The following GLYATL2 variants were observed in gnomAD, a reference collection of about 807,000 sequenced individuals.
The protein encoded by GLYATL2 is glycine-N-acyltransferase like 2.
A neutral mutation model predicts 21.4 loss-of-function variants in GLYATL2; 25 were observed. The observed-to-expected ratio is 1.17, with a 90% confidence interval of 0.85 to 1.63. GLYATL2 has a LOEUF of 1.63. GLYATL2 is among the 40% of genes most tolerant of loss of function. GLYATL2 has a pLI of 0.00. For synonymous variants in GLYATL2, 114 were observed against 118.2 expected (o/e 0.96, Z 0.23); for missense variants, 361 against 343.3 (o/e 1.05, Z -0.41).
chr11:58,898,239 A>G (rs1854667552), intron 1 of GLYATL2, among the ~76,000 whole-genome samples: 1 of 152,164 alleles, frequency 6.6e-6, no homozygotes, highest in Non-Finnish European at 1.5e-5. Context: ...GCCTCCTCAC[A>G]TCCAGATGAG....
In GLYATL2 at chr11:58,899,741, A is replaced by G. The variant is rs114591339; in HGVS notation, n.60+4415T>C. Among the ~76,000 whole-genome samples, 1,458 of 152,318 alleles carry G rather than the reference A, an allele frequency of 9.6e-3. 18 individuals are homozygous for G. Among genetic ancestry groups the G allele is most frequent in the African/African-American group, 0.033 (1,382 of 41,558 alleles). Reference sequence around the variant, plus strand: ...GAACAAAGGACATACTTGAACCAGCATTTAGATTCATCTTCATCTAAAAAA... The same window carrying G: ...GAACAAAGGACATACTTGAACCAGCGTTTAGATTCATCTTCATCTAAAAAA... On this transcript the variant is annotated intron_variant and non_coding_transcript_variant, in intron 1 of 4. Coordinates refer to the GLYATL2 transcript ENST00000533636.
At chr11:58,853,547 G>A (rs1853777766) in intron 1 of GLYATL2, among the ~76,000 whole-genome samples, 1 of 152,060 alleles carries the variant, frequency 6.6e-6, no homozygotes, top group Non-Finnish European at 1.5e-5. Flanking sequence ...ATGTTTGGGT[G>A]GGCTCTGACA....
At chr11:58,879,346 TAC>T (rs1854292129) in intron 1 of GLYATL2, among the ~76,000 whole-genome samples, 1 of 152,240 alleles carries the variant, frequency 6.6e-6, no homozygotes, top group Non-Finnish European at 1.5e-5. Flanking sequence ...GGAAGATATA[TAC>T]ACGTTATATA....
At chr11:58,864,386 A>G (rs1853988014) in intron 1 of GLYATL2, among the ~76,000 whole-genome samples, 1 of 148,946 alleles carries the variant, frequency 6.7e-6, no homozygotes, top group African/African-American at 2.4e-5. Context: ...GTACCCAGAA[A>G]CCAAGTCCAC....
intron 1 of GLYATL2, among the ~76,000 whole-genome samples, chr11:58,860,428 CACT>C (rs774454723): frequency 3.3e-5 from 5 of 151,982 alleles, no homozygotes; most frequent in Non-Finnish European, 7.4e-5. Flanking sequence ...ATAGAATCAC[CACT>C]GATTTATGTA....
intron 1 of GLYATL2, among the ~76,000 whole-genome samples, chr11:58,850,719 C>A (rs1853726270): frequency 6.6e-6 from 1 of 151,998 alleles, no homozygotes. Context: ...GGAAAAGCAC[C>A]TGCTACTTAG....
chr11:58,870,984 G>A (rs1254521422), intron 1 of GLYATL2, among the ~76,000 whole-genome samples: 2 of 152,206 alleles, frequency 1.3e-5, no homozygotes, highest in Non-Finnish European at 2.9e-5. Flanking sequence ...TGGATTTAAA[G>A]AGGGAGGGGA....
intron 1 of GLYATL2, chr11:58,840,908 A>T (rs1204150160): frequency 6.6e-6 from 1 of 151,148 alleles, no homozygotes; most frequent in Non-Finnish European, 1.5e-5. Flanking sequence ...TAATATAAAG[A>T]TGCATAGGTG....
intron 1 of GLYATL2, among the ~76,000 whole-genome samples, chr11:58,899,943 T>A (rs948818): frequency 0.2 from 30,220 of 151,586 alleles, 3,098 homozygotes; most frequent in East Asian, 0.29. Context: ...CAAGGATAGA[T>A]TTCACCCCTC....
chr11:58,837,631 C>A (rs1853463450), intron 3 of GLYATL2, among the ~76,000 whole-genome samples: 1 of 152,056 alleles, frequency 6.6e-6, no homozygotes, highest in Non-Finnish European at 1.5e-5. Context: ...GTAAATAACT[C>A]CATTGTCTAG....
chr11:58,890,960 T>C (rs565277036), intron 1 of GLYATL2, among the ~76,000 whole-genome samples: 1 of 152,256 alleles, frequency 6.6e-6, no homozygotes, highest in East Asian at 1.9e-4. Flanking sequence ...TTCATTTTTA[T>C]AAATAGCTCC....
intron 1 of GLYATL2, among the ~76,000 whole-genome samples, chr11:58,890,054 G>A (rs1854513647): frequency 6.6e-6 from 1 of 151,928 alleles, no homozygotes; most frequent in African/African-American, 2.4e-5. Flanking sequence ...TCATCACCCT[G>A]GTAGTGAGCA....
At chr11:58,869,118 C>A (rs953704401) in intron 1 of GLYATL2, among the ~76,000 whole-genome samples, 1 of 152,122 alleles carries the variant, frequency 6.6e-6, no homozygotes, top group Non-Finnish European at 1.5e-5. Context: ...GAGGAAGCAC[C>A]CCAACTCATT....
intron 1 of GLYATL2, among the ~76,000 whole-genome samples, chr11:58,864,698 G>A (rs524689): frequency 0.88 from 130,726 of 148,630 alleles, 59,392 homozygotes; most frequent in Non-Finnish European, 0.98. Flanking sequence ...TCTGCTACAC[G>A]AAGATTCTGT....
intron 1 of GLYATL2, among the ~76,000 whole-genome samples, chr11:58,870,250 T>C (rs1349454299): frequency 6.6e-6 from 1 of 152,078 alleles, no homozygotes; most frequent in African/African-American, 2.4e-5. Flanking sequence ...AAGAAGGTAA[T>C]AGAGTTTTCT....
intron 1 of GLYATL2, among the ~76,000 whole-genome samples, chr11:58,875,220 T>A (rs1854205818): frequency 6.6e-6 from 1 of 152,208 alleles, no homozygotes; most frequent in South Asian, 2.1e-4. Flanking sequence ...TACAGCACAC[T>A]GATGGGTCTT....
At chr11:58,875,183 C>T (rs2134606640) in intron 1 of GLYATL2, among the ~76,000 whole-genome samples, 1 of 152,222 alleles carries the variant, frequency 6.6e-6, no homozygotes, top group African/African-American at 2.4e-5. Flanking sequence ...CTATGTGTGT[C>T]TCTGCACGTG....
At chr11:58,902,689 C>T (rs1377342526) in intron 1 of GLYATL2, among the ~76,000 whole-genome samples, 1 of 152,178 alleles carries the variant, frequency 6.6e-6, no homozygotes, top group African/African-American at 2.4e-5. Context: ...GGTTTGACTA[C>T]CACAAAATGA....
At chr11:58,882,038 C>T (rs1432842477) in intron 1 of GLYATL2, among the ~76,000 whole-genome samples, 2 of 152,192 alleles carry the variant, frequency 1.3e-5, no homozygotes, top group Admixed American at 6.5e-5. Flanking sequence ...CCTCAATAAA[C>T]ATATGTGTGC....
Sources: allele counts gnomAD v4.1 joint callset (sites outside exome capture counted in the v4.1 genomes callset), GRCh38; gene constraint gnomAD v4.1.1; transcripts MANE v1.5; gene names NCBI Gene and HGNC (gene_info 2026-07-23, HGNC 2026-07-21).